The following SH3TC1 variants were observed in gnomAD, a reference collection of about 807,000 sequenced individuals.
The protein encoded by SH3TC1 is SH3 domain and tetratricopeptide repeats 1, also known as SH3 domain and tetratricopeptide repeat-containing protein 1.
SH3TC1 carries 135 observed loss-of-function variants against 117.3 expected under a neutral mutation model. The observed-to-expected ratio is 1.15, with a 90% CI of 1.00 to 1.33. The LOEUF is 1.33. Ranked by LOEUF, SH3TC1 falls within the 40% of genes most tolerant of loss-of-function variation. The probability of loss-of-function intolerance (pLI) is 0.00; values close to 1 mark genes in which losing one functional copy is unlikely to be tolerated. For missense variants in SH3TC1, 2,092 were observed against 1,794.3 expected (o/e 1.17, Z -3.00); for synonymous variants, 898 against 816.9 (o/e 1.10, Z -1.69).
chr4:8,190,273 G>A lies in SH3TC1; in HGVS notation c.-57+8063G>A, dbSNP rs1334896613. 6.6e-6 allele frequency among the ~76,000 whole-genome samples: 1 copy of A among 152,184 alleles called. No individual in the cohort carries two copies. The highest frequency in any genetic ancestry group is 1.9e-4 in the East Asian group (1 of 5,172). ...CTCCCAGGAGATGGCTCCCAGCTGG[G>A]AGGACTTCACTCCTTCGGCGGAGTT... is the stretch of plus-strand genomic sequence containing the variant. On this transcript the variant is annotated intron_variant, in intron 1 of 16. Transcript: ENST00000508641. The surrounding 1 kb of genome is among the most constrained non-coding windows in gnomAD (Gnocchi z 4.7).
At chr4:8,213,335 C>T (rs1356683256) in intron 4 of SH3TC1, 3 of 157,062 alleles carry the variant, frequency 1.9e-5, no homozygotes, top group Admixed American at 6.1e-5. Flanking sequence ...GGGGTTGGAC[C>T]AGCCTGGCCT....
At chr4:8,224,726 T>A in intron 10 of SH3TC1, 1 of 166,228 alleles carries the variant, frequency 6.0e-6, no homozygotes. Flanking sequence ...GGAGCAGTGT[T>A]GATCCCTGGG....
intron 6 of SH3TC1, 137 bp downstream of exon 6, chr4:8,216,394 T>A: frequency 1.5e-6 from 2 of 1,334,504 alleles, no homozygotes; most frequent in Middle Eastern, 5.5e-4. Flanking sequence ...TGAGGGGTGC[T>A]TCAGGCAGGG....
chr4:8,238,490 C>A (rs1341985304), intron 17 of SH3TC1, among the ~76,000 whole-genome samples: 1 of 152,196 alleles, frequency 6.6e-6, no homozygotes, highest in Non-Finnish European at 1.5e-5. Flanking sequence ...GGCTGGGGGG[C>A]CAGGGCGCTC....
At chr4:8,216,911 G>A in intron 6 of SH3TC1, 46 bp from the exon 7 acceptor site, 1 of 1,595,074 alleles carries the variant, frequency 6.3e-7, no homozygotes, top group South Asian at 1.1e-5. Context: ...GGCCACAGCT[G>A]CGCCCAGTCC....
intron 15 of SH3TC1, 96 bp from the exon 16 acceptor site, chr4:8,236,182 G>T: frequency 7.2e-7 from 1 of 1,396,970 alleles, no homozygotes; most frequent in South Asian, 1.5e-5. Flanking sequence ...GGGTAGCTGG[G>T]GCGTGGGAAG....
chr4:8,238,910 CG>C (rs1722070623), intron 17 of SH3TC1, among the ~76,000 whole-genome samples: 1 of 152,130 alleles, frequency 6.6e-6, no homozygotes, highest in African/African-American at 2.4e-5. Context: ...GTGCTGTCAG[CG>C]CAGGCCAGCT....
chr4:8,217,274 G>A, intron 7 of SH3TC1, 107 bp downstream of exon 7: 1 of 1,350,896 alleles, frequency 7.4e-7, no homozygotes, highest in African/African-American at 1.4e-5. Context: ...GGGGGCCCCG[G>A]ACAGACCTGG....
Position 8,225,269 on chromosome 4 carries a change from G to A in SH3TC1, c.1285+53G>A. Reference sequence around the variant, plus strand: ...CTCTGGTTATGAGCTGGGCCTTGGGGTAACGCTGGGGGAGGTGACAAAGCT... The same window carrying A: ...CTCTGGTTATGAGCTGGGCCTTGGGATAACGCTGGGGGAGGTGACAAAGCT... On this transcript the variant is annotated intron_variant, in intron 11 of 17. Coordinates refer to ENST00000245105, the MANE Select transcript of SH3TC1 (RefSeq NM_018986.5). This position sits in a 1 kb window ranked among gnomAD's most constrained non-coding sequence, Gnocchi z 5.5. The A allele has an allele frequency of 6.3e-7, 1 of 1,581,650 alleles. No individual in the cohort carries two copies. The highest frequency in any genetic ancestry group is 8.6e-7 in the Non-Finnish European group (1 of 1,159,808).
In SH3TC1 at chr4:8,192,447, C is replaced by CTTTATTTTATTTTATTTTAT. The variant is rs376174704; in HGVS notation, c.-57+10270_-57+10289dup. ...ACAATCTTCTTATCCAACCACTTGT[C>CTTTATTTTATTTTATTTTAT]TTTATTTTATTTTATTTTATTTTAT... On this transcript the variant is annotated intron_variant, in intron 1 of 16. Transcript: ENST00000508641. This position sits in a 1 kb window ranked among gnomAD's most constrained non-coding sequence, Gnocchi z 4.1. Among the ~76,000 whole-genome samples the CTTTATTTTATTTTATTTTAT allele has an allele frequency of 2.5e-3, 350 of 138,460 alleles. No individual in the cohort carries two copies. The highest frequency in any genetic ancestry group is 7.4e-3 in the Middle Eastern group (2 of 272). The allele number at this position is 138,460 out of a possible 152,430, so 90.8% of individuals were successfully genotyped here.
intron 14 of SH3TC1, among the ~76,000 whole-genome samples, chr4:8,234,627 C>T (rs745904204): frequency 1.3e-5 from 2 of 152,200 alleles, no homozygotes; most frequent in Non-Finnish European, 2.9e-5. Flanking sequence ...ATCTGCTCAT[C>T]CATTTATCCA....
intron 12 of SH3TC1, among the ~76,000 whole-genome samples, chr4:8,230,908 T>C (rs1422230021): frequency 6.6e-6 from 1 of 151,316 alleles, no homozygotes; most frequent in South Asian, 2.1e-4. Flanking sequence ...GCCTCCTGAG[T>C]AGCTGGGATT....
chr4:8,211,117 T>C (rs1419519513), intron 3 of SH3TC1, among the ~76,000 whole-genome samples: 4 of 93,400 alleles, frequency 4.3e-5, no homozygotes, highest in Admixed American at 1.3e-4. Context: ...TCCCATTTTC[T>C]TCCCCCTCCT....
chr4:8,199,041 G>A (rs1001799873), upstream of SH3TC1, among the ~76,000 whole-genome samples: 3 of 152,260 alleles, frequency 2.0e-5, no homozygotes, highest in Admixed American at 2.0e-4. Flanking sequence ...CCCAATCCCA[G>A]CCTGGCGGGG....
intron 4 of SH3TC1, chr4:8,213,306 G>T (rs148717916): frequency 6.3e-6 from 1 of 158,888 alleles, no homozygotes; most frequent in Non-Finnish European, 1.4e-5. Context: ...AGCTGGGCTG[G>T]GCGTTACCAC....
Position 8,241,018 on chromosome 4 carries a change from C to A in SH3TC1, c.*63C>A. 1 of 1,569,496 alleles carries A rather than the reference C, an allele frequency of 6.4e-7. No individual in the cohort carries two copies. Among genetic ancestry groups the A allele is most frequent in the South Asian group, 1.1e-5 (1 of 89,124 alleles). ...GGGGGTCTCCTGCCTCTCCTGGTGT[C>A]GCCGGTGGCTCATTTTCTGGCAAAT... On this transcript the variant is annotated 3_prime_UTR_variant, in exon 18 of 18. Coordinates refer to ENST00000245105, the MANE Select transcript of SH3TC1 (RefSeq NM_018986.5).
In SH3TC1 at chr4:8,205,244, G is replaced by C. The variant is rs1222718886; in HGVS notation, c.50G>C (p.Arg17Thr). Residue 17 changes from arginine (R) to threonine (T), a missense_variant, in exon 2 of 18, where the codon AGG becomes ACG. By Grantham distance (71) the Arg-to-Thr change is moderately conservative. Coordinates refer to ENST00000245105, the MANE Select transcript of SH3TC1 (RefSeq NM_018986.5). This position sits in a 1 kb window ranked among gnomAD's most constrained non-coding sequence, Gnocchi z 5.4. The part of the protein sequence containing the change: ...VTTEEPTPMG[R>T]GPVGPSGGGS... ...ACTGAGGAGCCGACCCCCATGGGGA[G>C]GGGTCCTGTGGGACCCTCAGGAGGT... 1 of 1,550,030 alleles carries C rather than the reference G, an allele frequency of 6.5e-7. No homozygotes were observed. Among genetic ancestry groups the C allele is most frequent in the South Asian group, 1.2e-5 (1 of 83,960 alleles).
Position 8,210,886 on chromosome 4 carries a change from T to C in SH3TC1, c.247+1064T>C, listed in dbSNP as rs1052796371. Among the ~76,000 whole-genome samples, 3 of 150,586 alleles carry C rather than the reference T, an allele frequency of 2.0e-5. No individual in the cohort carries two copies. The highest frequency in any genetic ancestry group is 2.0e-4 in the East Asian group (1 of 5,024). ...GTTGGCCCGGTTGGCCCTTCCCCCA[T>C]AGGGGGTGAGGGTGTTTGCTCAAGG... On this transcript the variant is annotated intron_variant, in intron 3 of 17. Coordinates refer to ENST00000245105, the MANE Select transcript of SH3TC1 (RefSeq NM_018986.5). This position sits in a 1 kb window ranked among gnomAD's most constrained non-coding sequence, Gnocchi z 4.1.
In SH3TC1 at chr4:8,227,028, A is replaced by T. The variant is rs367857950; in HGVS notation, c.1334A>T (p.Lys445Met). ...CTGGAGCCACAGGAGACCTTGCAGAAGGTGAAGAATGTTCTGGAACAATGC... is the reference window on the plus strand; with the variant it reads ...CTGGAGCCACAGGAGACCTTGCAGATGGTGAAGAATGTTCTGGAACAATGC... ...LSLEPQETLQ[K>M]VKNVLEQCKT... Residue 445 changes from lysine to methionine, a missense_variant, in exon 12 of 18, where the codon AAG becomes ATG. Coordinates refer to ENST00000245105, the MANE Select transcript of SH3TC1 (RefSeq NM_018986.5). 5 of 1,573,238 alleles carry T rather than the reference A, an allele frequency of 3.2e-6. No homozygotes were observed. Among genetic ancestry groups the T allele is most frequent in the Non-Finnish European group, 4.3e-6 (5 of 1,160,038 alleles).
Sources: allele counts gnomAD v4.1 joint callset (sites outside exome capture counted in the v4.1 genomes callset), GRCh38; gene constraint gnomAD v4.1.1; non-coding constraint Gnocchi (gnomAD v3.1); transcripts MANE v1.5; gene names NCBI Gene and HGNC (gene_info 2026-07-23, HGNC 2026-07-21).